The following FAT3 variants were observed in gnomAD, a reference collection of about 807,000 sequenced individuals.
FAT3 encodes protocadherin Fat 3.
Under a neutral mutation model 310.2 loss-of-function variants are expected in FAT3, and 95 were observed. The ratio of observed to expected loss-of-function variants is 0.31; its 90% CI spans 0.26 to 0.36. The LOEUF is 0.36. Ranked by LOEUF, FAT3 falls within the 10% of genes least tolerant of loss-of-function variation. The pLI is 1.00. For synonymous variants in FAT3, 2,314 were observed against 2,192.9 expected, an observed-to-expected ratio of 1.06 and a Z score of -1.54; for missense variants, 5,408 against 5,715.6, an observed-to-expected ratio of 0.95 and a Z score of 1.74.
At chr11:92,507,701 T>C (rs948076313) in intron 2 of FAT3, among the ~76,000 whole-genome samples, 4 of 151,980 alleles carry the variant, frequency 2.6e-5, no homozygotes, top group African/African-American at 9.7e-5. Flanking sequence ...CATATACATG[T>C]ATATATACAA....
intron 4 of FAT3, among the ~76,000 whole-genome samples, chr11:92,731,255 C>G (rs1057182876): frequency 3.3e-5 from 5 of 152,072 alleles, no homozygotes; most frequent in African/African-American, 9.7e-5. Context: ...ATTATTGGTG[C>G]CAGTTTTACC....
Position 92,769,684 on chromosome 11 carries a change from C to T in FAT3, c.4196-4357C>T, listed in dbSNP as rs193156109. 3.3e-3 allele frequency among the ~76,000 whole-genome samples: 495 copies of T among 152,304 alleles called. 3 individuals carry two copies. Among genetic ancestry groups the T allele is most frequent in the African/African-American group, 0.011 (462 of 41,566 alleles). ...GCACCTAAAATATCTTTCTTTATCT[C>T]GCCTACTGTAAGGCTGCTCTTTGAA... On this transcript the variant is annotated intron_variant, in intron 6 of 27. Transcript: ENST00000525166.
At chr11:92,654,264 T>G (rs1471817599) in intron 3 of FAT3, among the ~76,000 whole-genome samples, 1 of 152,140 alleles carries the variant, frequency 6.6e-6, no homozygotes, top group Non-Finnish European at 1.5e-5. Flanking sequence ...ATGGGTACAG[T>G]TTGGAAATCA....
At chr11:92,761,628 T>A (rs1387072521) in intron 4 of FAT3, among the ~76,000 whole-genome samples, 2 of 152,132 alleles carry the variant, frequency 1.3e-5, no homozygotes, top group African/African-American at 2.4e-5. Flanking sequence ...ATCCTTATGA[T>A]CTCATTTAAC....
At chr11:92,607,968 C>G (rs925670210) in intron 3 of FAT3, among the ~76,000 whole-genome samples, 1 of 151,990 alleles carries the variant, frequency 6.6e-6, no homozygotes, top group African/African-American at 2.4e-5. Flanking sequence ...GATTTGTGAT[C>G]AAGTAAATAG....
At chr11:92,562,725 G>T (rs377544454) in intron 3 of FAT3, among the ~76,000 whole-genome samples, 1 of 152,124 alleles carries the variant, frequency 6.6e-6, no homozygotes, top group Admixed American at 6.6e-5. Flanking sequence ...GAGTTTGAAG[G>T]CCCAAGAACC....
chr11:92,735,087 A>G (rs995444256), intron 4 of FAT3, among the ~76,000 whole-genome samples: 13 of 152,148 alleles, frequency 8.5e-5, no homozygotes, highest in Admixed American at 8.5e-4. Context: ...TCCCTGCAGG[A>G]ACTCCCGGTA....
chr11:92,572,335 A>C (rs1056150843), intron 3 of FAT3, among the ~76,000 whole-genome samples: 1 of 152,188 alleles, frequency 6.6e-6, no homozygotes, highest in Non-Finnish European at 1.5e-5. Context: ...CTGAGATGAG[A>C]TCCAGCCTGA....
chr11:92,844,196 G>A lies in FAT3; in HGVS notation c.10829G>A (p.Gly3610Asp). 6.2e-7 allele frequency: 1 copy of A among 1,614,022 alleles called. No individual in the cohort carries two copies. The highest frequency in any genetic ancestry group is 1.6e-4 in the Middle Eastern group (1 of 6,062). The change falls in exon 19 of 28, where the codon GGC becomes GAC. Residue 3610 changes from glycine (G) to aspartate (D), a missense_variant. Coordinates refer to ENST00000525166, the MANE Select transcript of FAT3 (RefSeq NM_001367949.2). Reference protein sequence around the residue: ...SHDGKIIALGGLDSGKYVLNV... With the variant: ...SHDGKIIALGDLDSGKYVLNV... ...GATGGGAAAATCATCGCCCTGGGAG[G>A]CCTGGACAGCGGCAAGTATGTCCTG...
At position 92,524,785 on chromosome 11, in the gene FAT3, C is replaced by T; in HGVS notation, c.3444C>T (p.Thr1148=). Residue 1148 remains threonine, a synonymous_variant, in exon 3 of 28, where the codon ACC becomes ACT. Transcript: ENST00000525166. ...ATGTGAATGACAATGCCCCGCTGACCTCAGAACCTATATATTATCCTGTTG... is the reference window on the plus strand; with the variant it reads ...ATGTGAATGACAATGCCCCGCTGACTTCAGAACCTATATATTATCCTGTTG... ...VEDVNDNAPL[T]SEPIYYPVVM... 1 of 1,613,776 alleles carries T rather than the reference C, an allele frequency of 6.2e-7. No individual in the cohort carries two copies. The highest frequency in any genetic ancestry group is 1.6e-4 in the Middle Eastern group (1 of 6,062).
At chr11:92,231,811 T>A (rs932259197) in intron 1 of FAT3, among the ~76,000 whole-genome samples, 2 of 152,014 alleles carry the variant, frequency 1.3e-5, no homozygotes, top group Admixed American at 6.6e-5. Flanking sequence ...CAGGGTTTTT[T>A]TTTTTTGTCA....
rs11020014 is a variant in FAT3 at position 92,582,246 on chromosome 11, T to C, written c.3607+57298T>C. Among the ~76,000 whole-genome samples, 126 of 152,008 alleles carry C rather than the reference T, an allele frequency of 8.3e-4. 2 individuals carry two copies. In the East Asian group the frequency reaches 0.016, roughly 19 times the overall value. ...CAGCAAGGTCTTTATGACCTGTATG[T>C]TGTGCCAACCTCCTATCTCATCCTG... On this transcript the variant is annotated intron_variant, in intron 3 of 27. Coordinates refer to ENST00000525166, the MANE Select transcript of FAT3 (RefSeq NM_001367949.2).
At chr11:92,293,982 G>A (rs1377799132) in intron 1 of FAT3, among the ~76,000 whole-genome samples, 2 of 152,004 alleles carry the variant, frequency 1.3e-5, no homozygotes, top group East Asian at 3.9e-4. Flanking sequence ...TATTAAATCT[G>A]TCAGTTTCCT....
chr11:92,351,064 C>G (rs1948551295), intron 1 of FAT3, among the ~76,000 whole-genome samples: 1 of 152,128 alleles, frequency 6.6e-6, no homozygotes, highest in Non-Finnish European at 1.5e-5. Context: ...AGTCATGAAA[C>G]TGTAGAAACT....
In FAT3 at chr11:92,553,694, TTCCTTCCTTC is replaced by T. The variant is rs1269989741; in HGVS notation, c.3607+28747_3607+28756del. On this transcript the variant is annotated intron_variant, in intron 3 of 27. Transcript: ENST00000525166. ...CTCCGTCCCTTCCTTCCTTCCTTCC[TTCCTTCCTTC>T]CTTCCTTCCTTCCTTCCTTTTTCGT... Among the ~76,000 whole-genome samples the T allele has an allele frequency of 2.2e-4, 32 of 148,212 alleles. No individual in the cohort carries two copies. In the East Asian group the frequency reaches 6.0e-3, roughly 28 times the overall value.
intron 3 of FAT3, among the ~76,000 whole-genome samples, chr11:92,564,769 C>T (rs1009947311): frequency 4.0e-5 from 6 of 149,540 alleles, no homozygotes; most frequent in East Asian, 2.0e-4. Flanking sequence ...AACTGAACAA[C>T]CTGCTCCTGA....
At chr11:92,482,341 T>C (rs1952250125) in intron 2 of FAT3, among the ~76,000 whole-genome samples, 1 of 152,202 alleles carries the variant, frequency 6.6e-6, no homozygotes, top group African/African-American at 2.4e-5. Context: ...TTGGTAACTC[T>C]TGGGTCCTTA....
At chr11:92,304,793 G>C (rs936558071) in intron 1 of FAT3, among the ~76,000 whole-genome samples, 1 of 152,070 alleles carries the variant, frequency 6.6e-6, no homozygotes, top group Admixed American at 6.6e-5. Flanking sequence ...AGAATAAATG[G>C]GGAGCTGGTG....
intron 2 of FAT3, among the ~76,000 whole-genome samples, chr11:92,453,493 T>G (rs992507378): frequency 2.0e-5 from 3 of 151,982 alleles, no homozygotes; most frequent in Non-Finnish European, 4.4e-5. Flanking sequence ...TTTTTTTTTT[T>G]GTAAAAAAGA....
Sources: allele counts gnomAD v4.1 joint callset (sites outside exome capture counted in the v4.1 genomes callset), GRCh38; gene constraint gnomAD v4.1.1; transcripts MANE v1.5; gene names NCBI Gene and HGNC (gene_info 2026-07-23, HGNC 2026-07-21).